The following ULK4 variants were observed in gnomAD, a reference collection of about 807,000 sequenced individuals.
The protein encoded by ULK4 is unc-51 like kinase 4.
A neutral mutation model predicts 160.6 loss-of-function variants in ULK4; 133 were observed. The observed-to-expected ratio is 0.83, with a 90% CI of 0.72 to 0.96. The LOEUF (loss-of-function observed/expected upper bound fraction) is 0.96. ULK4 is among the 40% of genes least tolerant of loss of function. The pLI, the probability that ULK4 is intolerant of heterozygous loss-of-function variation, is 0.00. For missense variants in ULK4, 1,580 were observed against 1,499.5 expected (o/e 1.05, Z -0.89); for synonymous variants, 534 against 539.8 (o/e 0.99, Z 0.15).
chr3:41,689,097 T>G (rs1335845879), intron 27 of ULK4, among the ~76,000 whole-genome samples: 1 of 152,198 alleles, frequency 6.6e-6, no homozygotes, highest in Non-Finnish European at 1.5e-5. Flanking sequence ...ACTTCCAGTT[T>G]CCCCTGCCAA....
In ULK4 at chr3:41,733,740, TTTTTTTTTTTTTTA is replaced by T. The variant is rs1183938390; in HGVS notation, c.2322-15893_2322-15880del. ...TAAACACATGATTTTTTTTTTTTTTTTTTTTTTTTTTTTAGACAGAGTCTCATCCTGTCTCCCAG... is the reference window on the plus strand; with the variant it reads ...TAAACACATGATTTTTTTTTTTTTTTGACAGAGTCTCATCCTGTCTCCCAG... On this transcript the variant is annotated intron_variant, in intron 22 of 36. Transcript: ENST00000301831. Among the ~76,000 whole-genome samples, 517 of 141,384 alleles carry T rather than the reference TTTTTTTTTTTTTTA, an allele frequency of 3.7e-3. 3 individuals carry two copies. Among genetic ancestry groups the T allele is most frequent in the Non-Finnish European group, 6.1e-3 (400 of 65,786 alleles). 92.8% of individuals were successfully genotyped at this position (141,384 alleles called of 152,430 possible).
At chr3:41,754,732 G>A (rs894063299) in intron 21 of ULK4, among the ~76,000 whole-genome samples, 14 of 152,124 alleles carry the variant, frequency 9.2e-5, no homozygotes, top group Non-Finnish European at 1.8e-4. Flanking sequence ...AAATGAATAT[G>A]GAAAAATTAA....
chr3:41,501,094 T>A (rs1406211935), intron 32 of ULK4, among the ~76,000 whole-genome samples: 1 of 152,164 alleles, frequency 6.6e-6, no homozygotes, highest in African/African-American at 2.4e-5. Context: ...TTAAATAGAT[T>A]GACAATTCAT....
At chr3:41,901,169 C>CTTTTTT (rs756499023) in intron 12 of ULK4, among the ~76,000 whole-genome samples, 972 of 95,264 alleles carry the variant, frequency 0.01, 66 homozygotes, top group Middle Eastern at 0.026. Flanking sequence ...AACAGCATGG[C>CTTTTTT]TTCTTTTTTT....
chr3:41,601,308 A>C (rs2032044269), intron 31 of ULK4, among the ~76,000 whole-genome samples: 1 of 152,350 alleles, frequency 6.6e-6, no homozygotes, highest in Non-Finnish European at 1.5e-5. Flanking sequence ...AATCACTTTA[A>C]GACACGACAA....
intron 32 of ULK4, among the ~76,000 whole-genome samples, chr3:41,534,467 T>C (rs2086423579): frequency 6.6e-6 from 1 of 151,760 alleles, no homozygotes; most frequent in Non-Finnish European, 1.5e-5. Flanking sequence ...AGGTCTTACT[T>C]TTTTTTATAA....
In ULK4 at chr3:41,256,811, C is replaced by T. The variant is rs79075778; in HGVS notation, c.3679-7237G>A. Among the ~76,000 whole-genome samples, 6 of 152,268 alleles carry T rather than the reference C, an allele frequency of 3.9e-5. No homozygotes were observed. In the East Asian group the frequency reaches 1.2e-3, roughly 29 times the overall value. ...ATAGACTTGGAGAAAATATTTGCAA[C>T]TTACATATCTGATAAAGGACTTATA... On this transcript the variant is annotated intron_variant, in intron 35 of 36. Transcript: ENST00000301831.
At chr3:41,405,397 C>T (rs781092413) in intron 34 of ULK4, among the ~76,000 whole-genome samples, 3 of 152,164 alleles carry the variant, frequency 2.0e-5, no homozygotes, top group Non-Finnish European at 4.4e-5. Context: ...CCTAGGTTGA[C>T]TCCATGTCTC....
intron 35 of ULK4, among the ~76,000 whole-genome samples, chr3:41,365,283 T>A (rs562487910): frequency 6.6e-6 from 1 of 152,264 alleles, no homozygotes; most frequent in African/African-American, 2.4e-5. Context: ...ATAAACAAAA[T>A]TTGACAATAT....
intron 22 of ULK4, among the ~76,000 whole-genome samples, chr3:41,721,355 TATA>T (rs1199575894): frequency 7.3e-5 from 5 of 68,344 alleles, no homozygotes; most frequent in East Asian, 7.7e-4. Flanking sequence ...TATATATATA[TATA>T]TATATTTTTT....
At chr3:41,423,776 G>C (rs1237845548) in intron 34 of ULK4, among the ~76,000 whole-genome samples, 1 of 152,142 alleles carries the variant, frequency 6.6e-6, no homozygotes, top group Non-Finnish European at 1.5e-5. Context: ...AGCCACACAG[G>C]GCAAGGGAGC....
At chr3:41,484,546 G>A (rs988807213) in intron 32 of ULK4, among the ~76,000 whole-genome samples, 9 of 149,206 alleles carry the variant, frequency 6.0e-5, no homozygotes, top group African/African-American at 1.2e-4. Flanking sequence ...TCCGCCTCCC[G>A]GGTTCACGCC....
intron 35 of ULK4, among the ~76,000 whole-genome samples, chr3:41,389,404 C>T (rs1036522227): frequency 1.1e-4 from 16 of 152,270 alleles, no homozygotes; most frequent in African/African-American, 3.8e-4. Flanking sequence ...ACTTCCAACA[C>T]TATGTTGAAT....
intron 17 of ULK4, among the ~76,000 whole-genome samples, chr3:41,851,954 C>G (rs536979638): frequency 5.3e-5 from 8 of 152,022 alleles, no homozygotes; most frequent in African/African-American, 1.9e-4. Context: ...ATCAACGAAT[C>G]CAGGAGCTGG....
chr3:41,573,114 T>C (rs2088061427), intron 31 of ULK4, among the ~76,000 whole-genome samples: 1 of 152,220 alleles, frequency 6.6e-6, no homozygotes, highest in Non-Finnish European at 1.5e-5. Context: ...ATGGCTCTAA[T>C]AAAACACAGC....
intron 31 of ULK4, among the ~76,000 whole-genome samples, chr3:41,584,096 C>T (rs563119881): frequency 6.6e-6 from 1 of 152,068 alleles, no homozygotes; most frequent in South Asian, 2.1e-4. Flanking sequence ...AACTGGAGGA[C>T]TTAATGAGAA....
At chr3:41,647,328 C>G (rs2034541746) in intron 30 of ULK4, among the ~76,000 whole-genome samples, 1 of 152,096 alleles carries the variant, frequency 6.6e-6, no homozygotes, top group Non-Finnish European at 1.5e-5. Context: ...GTGGTTTTAT[C>G]TACTTTTGGT....
Position 41,482,404 on chromosome 3 carries a change from G to C in ULK4, c.3227-19151C>G, listed in dbSNP as rs540804154. On this transcript the variant is annotated intron_variant, in intron 32 of 36. Transcript: ENST00000301831. ...ACAGGGGAGCCAGAAGCTGGGTTAC[G>C]ACAAGTATATAAAAAAGCAAGCTAT... Among the ~76,000 whole-genome samples, 4 of 152,302 alleles carry C rather than the reference G, an allele frequency of 2.6e-5. No homozygotes were observed. The East Asian group carries it at 5.8e-4, about 22-fold the overall frequency.
intron 16 of ULK4, among the ~76,000 whole-genome samples, chr3:41,893,515 A>G (rs541997766): frequency 1.6e-3 from 238 of 152,300 alleles, no homozygotes; most frequent in African/African-American, 5.3e-3. Flanking sequence ...CAGAAGTCAC[A>G]AAAATATTTA....
Sources: gnomAD v4.1 joint callset for allele counts (sites outside exome capture counted in the v4.1 genomes callset) on GRCh38, gnomAD v4.1.1 for gene constraint, MANE v1.5 for transcripts, NCBI Gene and HGNC (gene_info 2026-07-23, HGNC 2026-07-21) for gene names.